SLC23A2: variants seen among roughly 807,000 people sequenced by gnomAD.
The protein encoded by SLC23A2 is Na(+)/L-ascorbic acid transporter 2.
A neutral mutation model predicts 73.3 loss-of-function variants in SLC23A2; 36 were observed. That is an observed-to-expected ratio of 0.49 (90% confidence interval 0.38 to 0.65). The LOEUF (loss-of-function observed/expected upper bound fraction) is 0.65, where lower values mean the gene tolerates loss of function less well. SLC23A2 is among the 30% of genes least tolerant of loss of function. The pLI is 0.00. For synonymous variants in SLC23A2, 343 were observed against 327.3 expected, an observed-to-expected ratio of 1.05 and a Z score of -0.52; for missense variants, 507 against 841.6, an observed-to-expected ratio of 0.60 and a Z score of 4.92.
At chr20:4,891,854 A>T (rs1236243814) in intron 6 of SLC23A2, among the ~76,000 whole-genome samples, 1 of 152,058 alleles carries the variant, frequency 6.6e-6, no homozygotes, top group East Asian at 1.9e-4. Flanking sequence ...GGGCTTAAGC[A>T]ATTCTCCCAC....
chr20:4,859,299 GTTAT>G lies in SLC23A2; in HGVS notation c.1706_1709del (p.Asp569AlafsTer38). On this transcript the variant is annotated frameshift_variant, in exon 16 of 17. Transcript: ENST00000338244. LOFTEE classifies it high-confidence loss of function. Reference sequence around the variant, plus strand: ...ATATATACCACGTACCTGGGATGGTGTTATCCAGGATAAAAGCCACACAGCCCCC... The same window carrying G: ...ATATATACCACGTACCTGGGATGGTGCCAGGATAAAAGCCACACAGCCCCC... The G allele has an allele frequency of 1.3e-6, 2 of 1,586,290 alleles. No homozygotes were observed.
chr20:4,974,874 G>A (rs1306290340), intron 1 of SLC23A2, among the ~76,000 whole-genome samples: 2 of 152,096 alleles, frequency 1.3e-5, no homozygotes, highest in Non-Finnish European at 2.9e-5. Context: ...TGCAACCTCC[G>A]CCTCCAGGGC....
At chr20:4,928,623 T>C (rs768305126) in intron 3 of SLC23A2, among the ~76,000 whole-genome samples, 1 of 152,204 alleles carries the variant, frequency 6.6e-6, no homozygotes, top group Non-Finnish European at 1.5e-5. Flanking sequence ...CTACTCTTTG[T>C]AGTTCAATTT....
At chr20:4,997,634 C>CT (rs2088045829) in intron 1 of SLC23A2, among the ~76,000 whole-genome samples, 1 of 151,914 alleles carries the variant, frequency 6.6e-6, no homozygotes, top group South Asian at 2.1e-4. Flanking sequence ...AATAGGAAAA[C>CT]TTTATTTTTT....
chr20:4,899,648 A>C lies in SLC23A2; in HGVS notation c.389T>G (p.Val130Gly). 1.9e-6 allele frequency: 3 copies of C among 1,614,128 alleles called. No homozygotes were observed. Among genetic ancestry groups the C allele is most frequent in the Non-Finnish European group, 1.7e-6 (2 of 1,180,008 alleles). The change falls in exon 6 of 17, where the codon GTG becomes GGG. Residue 130 changes from valine to glycine, a missense_variant. This residue lies in a region of SLC23A2 where 217 missense variants were observed against 398.0 expected (regional missense o/e 0.55). Coordinates refer to ENST00000338244, the MANE Select transcript of SLC23A2 (RefSeq NM_005116.6). This position sits in a 1 kb window ranked among gnomAD's most constrained non-coding sequence, Gnocchi z 4.9. The part of the protein sequence containing the change: ...VPFLLADAMC[V>G]GYDQWATSQL... ...GCTGGTGGCCCACTGGTCGTACCCCACACACATGGCATCGGCCAACAGGAA... is the reference window on the plus strand; with the variant it reads ...GCTGGTGGCCCACTGGTCGTACCCCCCACACATGGCATCGGCCAACAGGAA...
At chr20:4,925,652 T>C (rs1568627103) in intron 3 of SLC23A2, among the ~76,000 whole-genome samples, 1 of 152,172 alleles carries the variant, frequency 6.6e-6, no homozygotes, top group Non-Finnish European at 1.5e-5. Context: ...AGGAATTTCC[T>C]ACCCCAAAAC....
intron 2 of SLC23A2, among the ~76,000 whole-genome samples, chr20:4,962,339 T>C (rs1000939391): frequency 6.6e-6 from 1 of 151,902 alleles, no homozygotes; most frequent in East Asian, 1.9e-4. Flanking sequence ...ACCATGTTAG[T>C]AAGATGGCAG....
At chr20:4,938,929 C>T (rs1202114345) in intron 2 of SLC23A2, among the ~76,000 whole-genome samples, 1 of 152,070 alleles carries the variant, frequency 6.6e-6, no homozygotes, top group Non-Finnish European at 1.5e-5. Flanking sequence ...CTGATCACCA[C>T]CTCATCATGA....
rs1473506637 is a variant in SLC23A2 at position 4,854,112 on chromosome 20, A to G, written c.*2860T>C. The G allele has an allele frequency of 2.0e-5, 3 of 152,112 alleles. No homozygotes were observed. Among genetic ancestry groups the G allele is most frequent in the Admixed American group, 2.0e-4 (3 of 15,270 alleles). The allele number at this position is 152,112 out of a possible 1,614,324, so 9.4% of individuals were successfully genotyped here. Reference sequence around the variant, plus strand: ...TAGGTGGTCTCTGTGGAAACTGGAGACTAACCGGCCTGCAAGGACATTCAC... The same window carrying G: ...TAGGTGGTCTCTGTGGAAACTGGAGGCTAACCGGCCTGCAAGGACATTCAC... On this transcript the variant is annotated 3_prime_UTR_variant, in exon 17 of 17. Coordinates refer to ENST00000338244, the MANE Select transcript of SLC23A2 (RefSeq NM_005116.6).
intron 9 of SLC23A2, among the ~76,000 whole-genome samples, chr20:4,880,099 C>T (rs965199308): frequency 1.3e-5 from 2 of 152,196 alleles, no homozygotes; most frequent in Non-Finnish European, 2.9e-5. Flanking sequence ...TGTTTTTTAA[C>T]ACAACCCCAG....
At chr20:4,877,383 T>G (rs1210259166) in intron 9 of SLC23A2, among the ~76,000 whole-genome samples, 1 of 152,206 alleles carries the variant, frequency 6.6e-6, no homozygotes, top group African/African-American at 2.4e-5. Context: ...TAGACTACAT[T>G]ACTAAACACT....
In SLC23A2 at chr20:4,902,239, A is replaced by G. The variant is rs1931772732; in HGVS notation, c.324+203T>C. 6.6e-6 allele frequency among the ~76,000 whole-genome samples: 1 copy of G among 152,226 alleles called. No homozygotes were observed. Among genetic ancestry groups the G allele is most frequent in the African/African-American group, 2.4e-5 (1 of 41,462 alleles). On this transcript the variant is annotated intron_variant, in intron 5 of 16. Transcript: ENST00000338244. The surrounding 1 kb of genome is among the most constrained non-coding windows in gnomAD (Gnocchi z 4.0). ...GGCTGGTCTTGAGCTCCTAGGCTCC[A>G]GTGATCTGCCCACCTCAGCCTCCAA...
chr20:4,924,296 C>T (rs1415551153), intron 3 of SLC23A2, among the ~76,000 whole-genome samples: 2 of 152,208 alleles, frequency 1.3e-5, no homozygotes, highest in East Asian at 3.9e-4. Flanking sequence ...CCCCGTCCTC[C>T]CTCTGGAGTC....
chr20:4,963,635 G>A (rs894803913), intron 2 of SLC23A2, among the ~76,000 whole-genome samples: 2 of 152,018 alleles, frequency 1.3e-5, no homozygotes, highest in African/African-American at 4.8e-5. Context: ...ATCACTTGAG[G>A]CCAGGAGTTC....
chr20:4,913,633 C>T (rs746124139), intron 3 of SLC23A2, among the ~76,000 whole-genome samples: 1 of 150,988 alleles, frequency 6.6e-6, no homozygotes, highest in African/African-American at 2.5e-5. Context: ...GTTGTTGTTT[C>T]GTTTTGTTTT....
intron 1 of SLC23A2, among the ~76,000 whole-genome samples, chr20:4,984,488 G>A (rs2087789481): frequency 6.6e-6 from 1 of 151,050 alleles, no homozygotes; most frequent in Admixed American, 6.6e-5. Context: ...GGCAGGCGGA[G>A]CTTGCAGTGA....
chr20:4,960,560 G>C (rs1457665730), intron 2 of SLC23A2, among the ~76,000 whole-genome samples: 2 of 152,182 alleles, frequency 1.3e-5, no homozygotes, highest in Admixed American at 6.5e-5. Flanking sequence ...CCAACATTTG[G>C]GAACATTTTC....
intron 2 of SLC23A2, among the ~76,000 whole-genome samples, chr20:4,935,595 G>A (rs557926361): frequency 2.6e-5 from 4 of 152,192 alleles, no homozygotes; most frequent in South Asian, 2.1e-4. Context: ...TCAGGAGATC[G>A]AGACCATCCT....
intron 12 of SLC23A2, 48 bp from the exon 13 acceptor site, chr20:4,867,923 G>T: frequency 2.7e-6 from 3 of 1,095,124 alleles, no homozygotes; most frequent in Non-Finnish European, 4.2e-6. Context: ...ATGGGATAAT[G>T]CATTCACTCT....
Sources: gnomAD v4.1 joint callset for allele counts (sites outside exome capture counted in the v4.1 genomes callset) on GRCh38, gnomAD v4.1.1 for gene constraint, gnomAD v4.1.1 regional missense constraint, Gnocchi (gnomAD v3.1) non-coding constraint, MANE v1.5 for transcripts, NCBI Gene and HGNC (gene_info 2026-07-23, HGNC 2026-07-21) for gene names.